The following DGKB variants were observed in gnomAD, a reference collection of about 807,000 sequenced individuals.
DGKB encodes diacylglycerol kinase beta, also known as 90 kDa diacylglycerol kinase.
Under a neutral mutation model 114.3 loss-of-function variants are expected in DGKB, and 67 were observed. That is an observed-to-expected ratio of 0.59 (90% CI 0.48 to 0.72). The LOEUF is 0.72. Among genes scored for constraint, DGKB ranks in the 30% least tolerant of loss-of-function variants. The pLI, the probability that DGKB is intolerant of heterozygous loss-of-function variation, is 0.00. For synonymous variants in DGKB, 398 were observed against 323.1 expected (o/e 1.23, Z -2.49); for missense variants, 907 against 975.2 (o/e 0.93, Z 0.93).
intron 13 of DGKB, among the ~76,000 whole-genome samples, chr7:14,634,879 T>C (rs1385807852): frequency 6.6e-6 from 1 of 151,604 alleles, no homozygotes; most frequent in Non-Finnish European, 1.5e-5. Flanking sequence ...CACATATGAA[T>C]ACAATGCAAG....
At chr7:14,649,634 C>A (rs1455921306) in intron 13 of DGKB, among the ~76,000 whole-genome samples, 1 of 150,662 alleles carries the variant, frequency 6.6e-6, no homozygotes, top group East Asian at 2.0e-4. Flanking sequence ...GGATCAAATT[C>A]ACACATAACA....
chr7:14,848,648 CTGTACT>C (rs1302851094), intron 1 of DGKB, among the ~76,000 whole-genome samples: 1 of 152,198 alleles, frequency 6.6e-6, no homozygotes, highest in East Asian at 1.9e-4. Context: ...AATTAGCAGT[CTGTACT>C]TCTTAGAGCC....
chr7:14,463,341 A>T (rs1374137952), intron 21 of DGKB, among the ~76,000 whole-genome samples: 1 of 152,132 alleles, frequency 6.6e-6, no homozygotes, highest in Admixed American at 6.6e-5. Context: ...ATGTATACCT[A>T]TGTAACAAAA....
intron 1 of DGKB, among the ~76,000 whole-genome samples, chr7:14,963,138 C>T (rs1330029719): frequency 1.3e-5 from 2 of 152,092 alleles, no homozygotes; most frequent in African/African-American, 4.8e-5. Context: ...ATCCCATAAC[C>T]CCAGCTTTAA....
intron 20 of DGKB, among the ~76,000 whole-genome samples, chr7:14,542,071 A>G (rs1443501294): frequency 6.6e-6 from 1 of 152,114 alleles, no homozygotes; most frequent in Non-Finnish European, 1.5e-5. Context: ...TCTTCTTAAA[A>G]CACCATTCCT....
chr7:14,678,249 G>T (rs1382120373), intron 12 of DGKB, among the ~76,000 whole-genome samples: 1 of 152,060 alleles, frequency 6.6e-6, no homozygotes, highest in Non-Finnish European at 1.5e-5. Context: ...GCGGGCCACA[G>T]TTAACAGTGC....
intron 21 of DGKB, among the ~76,000 whole-genome samples, chr7:14,432,281 A>G (rs1467527361): frequency 6.6e-6 from 1 of 152,136 alleles, no homozygotes; most frequent in African/African-American, 2.4e-5. Context: ...TACCTTGAGT[A>G]AGAATTGAGC....
chr7:14,456,532 T>A (rs1191383940), intron 21 of DGKB, among the ~76,000 whole-genome samples: 1 of 152,090 alleles, frequency 6.6e-6, no homozygotes, highest in Non-Finnish European at 1.5e-5. Flanking sequence ...AATTAAATCA[T>A]GCTATGAATA....
intron 23 of DGKB, chr7:14,209,022 A>C: frequency 6.4e-6 from 1 of 156,744 alleles, no homozygotes; most frequent in South Asian, 1.8e-4. Flanking sequence ...CTGGAGTAAT[A>C]TCGACATACT....
intron 2 of DGKB, among the ~76,000 whole-genome samples, chr7:14,765,659 T>C (rs1458616923): frequency 6.6e-6 from 1 of 151,974 alleles, no homozygotes; most frequent in African/African-American, 2.4e-5. Flanking sequence ...AGCAACCCTA[T>C]CCAGACACTA....
chr7:14,534,168 C>T (rs549307875), intron 20 of DGKB, among the ~76,000 whole-genome samples: 5 of 151,600 alleles, frequency 3.3e-5, no homozygotes, highest in Non-Finnish European at 5.9e-5. Context: ...ACAAACTACA[C>T]GTGGAGGAGA....
chr7:14,233,895 T>A (rs1792320126), intron 23 of DGKB, among the ~76,000 whole-genome samples: 1 of 151,958 alleles, frequency 6.6e-6, no homozygotes, highest in Non-Finnish European at 1.5e-5. Context: ...TGTTTGTCAC[T>A]CCTCACATCA....
chr7:14,691,087 C>A (rs1445049628), intron 9 of DGKB, among the ~76,000 whole-genome samples: 1 of 152,076 alleles, frequency 6.6e-6, no homozygotes, highest in Non-Finnish European at 1.5e-5. Flanking sequence ...GATTTTGGTA[C>A]CAAAATAGAT....
At chr7:14,718,120 T>C (rs1164036451) in intron 6 of DGKB, among the ~76,000 whole-genome samples, 2 of 152,188 alleles carry the variant, frequency 1.3e-5, no homozygotes, top group African/African-American at 4.8e-5. Flanking sequence ...TGCTGAAGAT[T>C]GCAAGGGAGA....
At chr7:14,886,739 T>G (rs1430898476) in intron 1 of DGKB, among the ~76,000 whole-genome samples, 4 of 151,872 alleles carry the variant, frequency 2.6e-5, no homozygotes. Context: ...CACCTGCAGT[T>G]CATCCAGCAC....
At chr7:14,291,142 C>CA (rs373171858) in intron 23 of DGKB, among the ~76,000 whole-genome samples, 66,937 of 86,596 alleles carry the variant, frequency 0.77, 25,477 homozygotes, top group South Asian at 0.89. Context: ...AACTCCGTCT[C>CA]AAAAAAAAAA....
intron 1 of DGKB, among the ~76,000 whole-genome samples, chr7:14,854,821 A>G (rs1199975011): frequency 6.6e-6 from 1 of 152,188 alleles, no homozygotes; most frequent in Non-Finnish European, 1.5e-5. Flanking sequence ...ACAGAATTAC[A>G]AAATAACTGA....
At chr7:14,532,540 C>A (rs1449894398) in intron 20 of DGKB, among the ~76,000 whole-genome samples, 1 of 150,972 alleles carries the variant, frequency 6.6e-6, no homozygotes, top group Non-Finnish European at 1.5e-5. Context: ...GTTAGAGATG[C>A]ACAGTTATGT....
chr7:14,948,022 G>T (rs971653352), intron 1 of DGKB, among the ~76,000 whole-genome samples: 1 of 151,656 alleles, frequency 6.6e-6, no homozygotes, highest in African/African-American at 2.4e-5. Flanking sequence ...TGCTCAGAGG[G>T]AATGGTTATA....
Sources: gnomAD v4.1 joint callset for allele counts (sites outside exome capture counted in the v4.1 genomes callset) on GRCh38, gnomAD v4.1.1 for gene constraint, MANE v1.5 for transcripts, NCBI Gene and HGNC (gene_info 2026-07-23, HGNC 2026-07-21) for gene names.